Variants in PGBD2 observed in about 807,000 individuals in gnomAD.
The protein encoded by PGBD2 is piggyBac transposable element-derived protein 2.
PGBD2 carries 6 observed loss-of-function variants against 8.1 expected under a neutral mutation model. The ratio of observed to expected loss-of-function variants is 0.74; its 90% CI spans 0.40 to 1.46. PGBD2 has a LOEUF of 1.46. Among genes scored for constraint, PGBD2 ranks in the 40% most tolerant of loss-of-function variants. The pLI, the probability that PGBD2 is intolerant of heterozygous loss-of-function variation, is 0.02. For synonymous variants in PGBD2, 318 were observed against 272.2 expected (o/e 1.17, Z -1.66); for missense variants, 802 against 739.0 (o/e 1.09, Z -0.99).
the PGBD2 span, among the ~76,000 whole-genome samples, chr1:248,895,409 G>A: frequency 6.6e-6 from 1 of 152,132 alleles, no homozygotes; most frequent in Non-Finnish European, 1.5e-5. Flanking sequence ...AGTAGCAAGG[G>A]TTCTGCTGCT....
chr1:248,873,906 C>T, the PGBD2 span, among the ~76,000 whole-genome samples: 6 of 152,212 alleles, frequency 3.9e-5, no homozygotes, highest in South Asian at 2.1e-4. Context: ...AGCACCTTGC[C>T]TGCGGGCTTT....
chr1:248,877,224 T>C, the PGBD2 span, among the ~76,000 whole-genome samples: 61 of 152,324 alleles, frequency 4.0e-4, no homozygotes, highest in African/African-American at 1.4e-3. Context: ...TTTTCATGGT[T>C]GTGTCCAAAA....
At position 248,918,737 on chromosome 1, in the gene PGBD2, T is replaced by C. The variant is rs1405370676; in HGVS notation, c.*374T>C. ...GCATGCCATGGTTTATAATCTAAGA[T>C]AGGCAATAGTGTATAAATATCATGT... On this transcript the variant is annotated 3_prime_UTR_variant, in exon 3 of 3. Coordinates refer to ENST00000329291, the MANE Select transcript of PGBD2 (RefSeq NM_170725.3). The C allele has an allele frequency of 6.0e-6, 1 of 167,276 alleles. No homozygotes were observed. The allele number at this position is 167,276 out of a possible 1,614,324, so 10.4% of individuals were successfully genotyped here.
the PGBD2 span, among the ~76,000 whole-genome samples, chr1:248,875,299 A>G: frequency 2.1e-5 from 3 of 140,760 alleles, no homozygotes; most frequent in Non-Finnish European, 4.5e-5. Context: ...CCGTCTCAAA[A>G]AAACAAAACA....
chr1:248,914,099 C>T (rs1221727800), intron 2 of PGBD2, among the ~76,000 whole-genome samples: 1 of 152,178 alleles, frequency 6.6e-6, no homozygotes, highest in Non-Finnish European at 1.5e-5. Context: ...CTAATGTTTA[C>T]ACTCGATAGA....
chr1:248,890,219 C>A, the PGBD2 span, among the ~76,000 whole-genome samples: 1 of 152,132 alleles, frequency 6.6e-6, no homozygotes, highest in African/African-American at 2.4e-5. Flanking sequence ...AGTCTCTGCA[C>A]CCGGCCTGAA....
Position 248,917,556 on chromosome 1 carries a change from G to C in PGBD2, c.972G>C (p.Leu324Phe). The C allele has an allele frequency of 6.2e-7, 1 of 1,614,210 alleles. No homozygotes were observed. Among genetic ancestry groups the C allele is most frequent in the African/African-American group, 1.3e-5 (1 of 75,048 alleles). ...GTLFTKPDRSLDLGGSMVIKF... is the reference protein window; with the variant it reads ...GTLFTKPDRSFDLGGSMVIKF... ...TGTTTACCAAGCCAGACAGGAGCTT[G>C]GATCTAGGAGGCAGTATGGTAATAA... The change falls in exon 3 of 3, where the codon TTG (leucine) becomes TTC (phenylalanine). Residue 324 changes from leucine to phenylalanine, a missense_variant. Leu to Phe is a conservative substitution (Grantham distance 22, BLOSUM62 0). Coordinates refer to ENST00000329291, the MANE Select transcript of PGBD2 (RefSeq NM_170725.3).
At chr1:248,898,337 G>T in the PGBD2 span, among the ~76,000 whole-genome samples, 1 of 152,190 alleles carries the variant, frequency 6.6e-6, no homozygotes, top group Non-Finnish European at 1.5e-5. Flanking sequence ...GCTTGAATCA[G>T]GTCAATGTTC....
At chr1:248,906,587 T>G (rs1047798589) in intron 1 of PGBD2, 4 of 71,362 alleles carry the variant, frequency 5.6e-5, no homozygotes, top group Admixed American at 1.7e-4. Context: ...CGGAGCGGGG[T>G]GGGTGGGGAC....
chr1:248,889,642 G>T, the PGBD2 span, among the ~76,000 whole-genome samples: 1 of 152,036 alleles, frequency 6.6e-6, no homozygotes, highest in African/African-American at 2.4e-5. Flanking sequence ...AAGGCAGCTC[G>T]GGGACAGGGA....
rs958783859 is a variant in PGBD2 at position 248,914,647 on chromosome 1, G to A, written c.17+768G>A. 13 of 1,254,278 alleles carry A rather than the reference G, an allele frequency of 1.0e-5. No homozygotes were observed. In the East Asian group the frequency reaches 3.9e-4, roughly 38 times the overall value. 77.7% of individuals were successfully genotyped at this position (1,254,278 alleles called of 1,614,324 possible). ...ACGTAGAGGTTGGGGCCTGCAAAGG[G>A]GCACAGGGAAGCTGCAGGGACCTCT... On this transcript the variant is annotated intron_variant, in intron 2 of 2. Coordinates refer to ENST00000329291, the MANE Select transcript of PGBD2 (RefSeq NM_170725.3).
chr1:248,900,319 T>G, the PGBD2 span, among the ~76,000 whole-genome samples: 1 of 152,134 alleles, frequency 6.6e-6, no homozygotes, highest in African/African-American at 2.4e-5. Context: ...GTATCCCTGA[T>G]GAACATCAAT....
At chr1:248,925,152 G>A in the PGBD2 span, among the ~76,000 whole-genome samples, 7 of 152,218 alleles carry the variant, frequency 4.6e-5, no homozygotes, top group African/African-American at 1.7e-4. Context: ...ACATTCACAC[G>A]TGTGTCACAC....
chr1:248,913,106 C>T (rs1661969738), intron 1 of PGBD2, among the ~76,000 whole-genome samples: 1 of 152,030 alleles, frequency 6.6e-6, no homozygotes, highest in African/African-American at 2.4e-5. Flanking sequence ...CTGGCCAGAG[C>T]ACTCAGATTT....
chr1:248,883,304 G>A, the PGBD2 span, among the ~76,000 whole-genome samples: 4 of 151,946 alleles, frequency 2.6e-5, no homozygotes, highest in Non-Finnish European at 5.9e-5. Context: ...TGTATTTTTA[G>A]TAGAGATGAG....
At position 248,918,823 on chromosome 1, in the gene PGBD2, G is replaced by C. The variant is rs1662214974; in HGVS notation, c.*460G>C. 1 of 166,912 alleles carries C rather than the reference G, an allele frequency of 6.0e-6. No homozygotes were observed. The highest frequency in any genetic ancestry group is 1.5e-5 in the Non-Finnish European group (1 of 68,094). 10.3% of individuals were successfully genotyped at this position (166,912 alleles called of 1,614,324 possible). The stretch of plus-strand genomic sequence containing the variant: ...ATTAATCCAAGTTTATCAAACTTTT[G>C]AGGGATAATCTGCCTTGTATTTAGT... On this transcript the variant is annotated 3_prime_UTR_variant, in exon 3 of 3. Transcript: ENST00000329291.
At chr1:248,904,084 T>TA (rs1558282329), upstream of PGBD2, among the ~76,000 whole-genome samples, 1 of 151,928 alleles carries the variant, frequency 6.6e-6, no homozygotes, top group African/African-American at 2.4e-5. Flanking sequence ...GTTTTTTTTT[T>TA]ATTTGTTAAC....
At chr1:248,873,198 T>G in the PGBD2 span, among the ~76,000 whole-genome samples, 2 of 152,156 alleles carry the variant, frequency 1.3e-5, no homozygotes, top group Admixed American at 6.5e-5. Context: ...CTGCCAGAGC[T>G]GCTCTGCACT....
chr1:248,904,753 C>G (rs889089133), upstream of PGBD2, among the ~76,000 whole-genome samples: 11 of 152,202 alleles, frequency 7.2e-5, no homozygotes, highest in Admixed American at 1.3e-4. Context: ...TCAAATACAA[C>G]CTTCTCACTT....
Sources: allele counts gnomAD v4.1 joint callset (sites outside exome capture counted in the v4.1 genomes callset), GRCh38; gene constraint gnomAD v4.1.1; transcripts MANE v1.5; gene names NCBI Gene and HGNC (gene_info 2026-07-23, HGNC 2026-07-21).